The following PDZRN3 variants were observed in gnomAD, a reference collection of about 807,000 sequenced individuals.
The protein encoded by PDZRN3 is PDZ domain containing ring finger 3.
Under a neutral mutation model 85.7 loss-of-function variants are expected in PDZRN3, and 38 were observed. The observed-to-expected ratio is 0.44, with a 90% CI of 0.34 to 0.58. The LOEUF is 0.58. Ranked by LOEUF, PDZRN3 falls within the 20% of genes least tolerant of loss-of-function variation. PDZRN3 has a pLI of 0.01. For missense variants in PDZRN3, 1,629 were observed against 1,506.4 expected (o/e 1.08, Z -1.35); for synonymous variants, 759 against 638.0 (o/e 1.19, Z -2.86).
intron 3 of PDZRN3, among the ~76,000 whole-genome samples, chr3:73,408,571 G>A (rs569300734): frequency 1.3e-5 from 2 of 150,552 alleles, no homozygotes; most frequent in Non-Finnish European, 2.9e-5. Context: ...CAGCCCTCGA[G>A]TTGGGATTCT....
chr3:73,569,305 C>A (rs202151432), intron 3 of PDZRN3: 1 of 1,237,128 alleles, frequency 8.1e-7, no homozygotes, highest in Non-Finnish European at 1.0e-6. Flanking sequence ...GAGATTCTCT[C>A]AAAACAGCCT....
chr3:73,432,512 A>G (rs1488089100), intron 3 of PDZRN3, among the ~76,000 whole-genome samples: 1 of 152,198 alleles, frequency 6.6e-6, no homozygotes, highest in Non-Finnish European at 1.5e-5. Flanking sequence ...GGGAAGGCAG[A>G]CAGACAGAGA....
At chr3:73,437,187 C>A (rs1029305379) in intron 3 of PDZRN3, among the ~76,000 whole-genome samples, 1 of 151,536 alleles carries the variant, frequency 6.6e-6, no homozygotes, top group Non-Finnish European at 1.5e-5. Flanking sequence ...AATAACAAAC[C>A]CATTACATAA....
At chr3:73,600,988 A>G (rs530031468) in intron 3 of PDZRN3, among the ~76,000 whole-genome samples, 1 of 152,332 alleles carries the variant, frequency 6.6e-6, no homozygotes, top group South Asian at 2.1e-4. Flanking sequence ...GGGATGCAAC[A>G]ATATTAATAA....
At chr3:73,403,117 T>G (rs998129903) in intron 4 of PDZRN3, among the ~76,000 whole-genome samples, 4 of 152,052 alleles carry the variant, frequency 2.6e-5, no homozygotes, top group Non-Finnish European at 5.9e-5. Context: ...CTAATTGTTT[T>G]TTGTATTTTT....
intron 3 of PDZRN3, among the ~76,000 whole-genome samples, chr3:73,479,882 G>A (rs1703528793): frequency 6.6e-6 from 1 of 152,148 alleles, no homozygotes; most frequent in African/African-American, 2.4e-5. Context: ...AGTTGCGGGG[G>A]GCGGGGGTAG....
chr3:73,588,063 T>C (rs914329963), intron 3 of PDZRN3, among the ~76,000 whole-genome samples: 1 of 152,202 alleles, frequency 6.6e-6, no homozygotes, highest in Non-Finnish European at 1.5e-5. Context: ...CCTGTTGACC[T>C]GTCCTCTAAG....
chr3:73,539,244 C>A (rs917752781), intron 3 of PDZRN3, among the ~76,000 whole-genome samples: 1 of 152,146 alleles, frequency 6.6e-6, no homozygotes, highest in Non-Finnish European at 1.5e-5. Flanking sequence ...GACATAGTTT[C>A]GAACCACAAA....
intron 3 of PDZRN3, among the ~76,000 whole-genome samples, chr3:73,407,680 T>C (rs1701881829): frequency 6.6e-6 from 1 of 152,188 alleles, no homozygotes; most frequent in Admixed American, 6.5e-5. Flanking sequence ...TTGCTTTACT[T>C]GGATACATTT....
chr3:73,519,360 G>A (rs1481155401), intron 3 of PDZRN3, among the ~76,000 whole-genome samples: 5 of 152,218 alleles, frequency 3.3e-5, no homozygotes, highest in South Asian at 2.1e-4. Flanking sequence ...ATGCCAGCAC[G>A]AAGGCTATTT....
At chr3:73,604,509 G>C (rs1702565129) in intron 2 of PDZRN3, among the ~76,000 whole-genome samples, 1 of 152,168 alleles carries the variant, frequency 6.6e-6, no homozygotes, top group African/African-American at 2.4e-5. Flanking sequence ...CACATTACAT[G>C]CTCTGTGTGC....
intron 3 of PDZRN3, among the ~76,000 whole-genome samples, chr3:73,482,015 G>T (rs1232343571): frequency 6.6e-6 from 1 of 152,058 alleles, no homozygotes; most frequent in Non-Finnish European, 1.5e-5. Flanking sequence ...CAAACAAATG[G>T]TTTTCAACAT....
intron 1 of PDZRN3, among the ~76,000 whole-genome samples, chr3:73,609,901 T>C (rs1462772468): frequency 2.6e-5 from 4 of 152,216 alleles, no homozygotes; most frequent in African/African-American, 9.7e-5. Flanking sequence ...GCTTCATTTA[T>C]TGCTATGGCT....
At chr3:73,401,394 G>A (rs924661846) in intron 4 of PDZRN3, among the ~76,000 whole-genome samples, 2 of 152,162 alleles carry the variant, frequency 1.3e-5, no homozygotes, top group African/African-American at 4.8e-5. Context: ...CAGAGAACTA[G>A]GCTCGAGCCC....
At chr3:73,621,613 G>C (rs1003374324) in intron 1 of PDZRN3, 40 of 152,156 alleles carry the variant, frequency 2.6e-4, no homozygotes, top group Admixed American at 2.5e-3. Flanking sequence ...GGTTAATTTC[G>C]GGGCAAGGAG....
intron 3 of PDZRN3, among the ~76,000 whole-genome samples, chr3:73,471,263 G>A (rs1353166972): frequency 6.6e-6 from 1 of 152,058 alleles, no homozygotes; most frequent in Non-Finnish European, 1.5e-5. Context: ...AAGCTTGCCG[G>A]CAAACCATCC....
rs1027223778 is a variant in PDZRN3 at position 73,401,300 on chromosome 3, G to A, written c.1167-291C>T. Reference sequence around the variant, plus strand: ...GAGCCTGCCAGTCACGTGATTCAGCGTGACTGATTTCTAACTCCATCTCTA... The same window carrying A: ...GAGCCTGCCAGTCACGTGATTCAGCATGACTGATTTCTAACTCCATCTCTA... On this transcript the variant is annotated intron_variant, in intron 4 of 9. Coordinates refer to ENST00000263666, the MANE Select transcript of PDZRN3 (RefSeq NM_015009.3). 1.1e-4 allele frequency among the ~76,000 whole-genome samples: 16 copies of A among 152,192 alleles called. 1 individual carries two copies. The highest frequency in any genetic ancestry group is 4.6e-4 in the Admixed American group (7 of 15,278).
chr3:73,520,323 G>T lies in PDZRN3; in HGVS notation c.918+82031C>A, dbSNP rs539375248. The stretch of plus-strand genomic sequence containing the variant: ...AGTTCAAGAGGAGCCTGGGCAACAT[G>T]GTGAGGCCTTGTCTCTATTAAAAAT... On this transcript the variant is annotated intron_variant, in intron 3 of 9. Coordinates refer to ENST00000263666, the MANE Select transcript of PDZRN3 (RefSeq NM_015009.3). Among the ~76,000 whole-genome samples, 11 of 152,198 alleles carry T rather than the reference G, an allele frequency of 7.2e-5. No homozygotes were observed. In the East Asian group the frequency reaches 2.1e-3, roughly 29 times the overall value.
intron 3 of PDZRN3, among the ~76,000 whole-genome samples, chr3:73,456,214 G>A (rs2106853896): frequency 6.6e-6 from 1 of 151,786 alleles, no homozygotes; most frequent in East Asian, 1.9e-4. Flanking sequence ...GTGTGTGTGT[G>A]TGCGCGCGTG....
Sources: gnomAD v4.1 joint callset for allele counts (sites outside exome capture counted in the v4.1 genomes callset) on GRCh38, gnomAD v4.1.1 for gene constraint, MANE v1.5 for transcripts, NCBI Gene and HGNC (gene_info 2026-07-23, HGNC 2026-07-21) for gene names.